SLC26A7: variants seen among roughly 807,000 people sequenced by gnomAD.
The protein encoded by SLC26A7 is anion exchange transporter.
A neutral mutation model predicts 82.5 loss-of-function variants in SLC26A7; 59 were observed. The observed-to-expected ratio is 0.72, with a 90% confidence interval of 0.58 to 0.89. The LOEUF is 0.89. Ranked by LOEUF, SLC26A7 falls within the 40% of genes least tolerant of loss-of-function variation. SLC26A7 has a pLI of 0.00. For synonymous variants in SLC26A7, 271 were observed against 274.3 expected (o/e 0.99, Z 0.12); for missense variants, 820 against 793.0 (o/e 1.03, Z -0.41).
At chr8:91,264,938 T>C (rs192448080) in intron 2 of SLC26A7, among the ~76,000 whole-genome samples, 2 of 152,074 alleles carry the variant, frequency 1.3e-5, no homozygotes, top group Admixed American at 6.6e-5. Flanking sequence ...AAATATACAA[T>C]ATATTTTATT....
Position 91,316,422 on chromosome 8 carries a change from A to G in SLC26A7, c.478-1794A>G, listed in dbSNP as rs112368755. On this transcript the variant is annotated intron_variant, in intron 4 of 18. Transcript: ENST00000276609. ...CTCAGCCTTCTGAGTACCTGGGACT[A>G]CAGGAACTCGCTGCCACACTCAACA... Among the ~76,000 whole-genome samples the G allele has an allele frequency of 1.5e-3, 199 of 136,654 alleles. 2 individuals carry two copies. The highest frequency in any genetic ancestry group is 5.4e-3 in the African/African-American group (196 of 36,132). 89.7% of individuals were successfully genotyped at this position (136,654 alleles called of 152,430 possible).
intron 9 of SLC26A7, among the ~76,000 whole-genome samples, chr8:91,350,914 C>T (rs1264879488): frequency 6.6e-6 from 1 of 152,140 alleles, no homozygotes. Context: ...TGTATTCCCA[C>T]CAGCAATGCC....
In SLC26A7 at chr8:91,340,413, A is replaced by G. The variant is rs769572829; in HGVS notation, c.888A>G (p.Ser296=). The part of the protein sequence containing the change: ...VVGHIPQGIP[S]PRAPPMNILS... ...GTCCTTCTTTCCACAGAATTCCCTC[A>G]CCTAGAGCTCCCCCGATGAACATCC... The change falls in exon 8 of 19, where the codon TCA becomes TCG. Residue 296 remains serine (S), a synonymous_variant. Coordinates refer to ENST00000276609, the MANE Select transcript of SLC26A7 (RefSeq NM_052832.4). The G allele has an allele frequency of 4.3e-6, 7 of 1,613,776 alleles. No individual in the cohort carries two copies. The highest frequency in any genetic ancestry group is 5.9e-6 in the Non-Finnish European group (7 of 1,179,812).
intron 3 of SLC26A7, 64 bp from the exon 4 acceptor site, chr8:91,295,467 C>T: frequency 2.6e-6 from 4 of 1,548,900 alleles, no homozygotes; most frequent in Non-Finnish European, 3.5e-6. Flanking sequence ...CAGAATCCCA[C>T]AATTTTTATT....
intron 9 of SLC26A7, among the ~76,000 whole-genome samples, chr8:91,351,590 G>A (rs1373236058): frequency 6.6e-6 from 1 of 152,098 alleles, no homozygotes; most frequent in African/African-American, 2.4e-5. Context: ...TCTCATCACT[G>A]ACTTAATTTG....
intron 2 of SLC26A7, among the ~76,000 whole-genome samples, chr8:91,273,046 G>A (rs530942426): frequency 1.8e-4 from 28 of 152,300 alleles, no homozygotes; most frequent in Admixed American, 6.5e-4. Flanking sequence ...GTGAAAAAAA[G>A]AGTCTATTTT....
intron 5 of SLC26A7, among the ~76,000 whole-genome samples, chr8:91,332,408 TTCAATATATATTTAA>T (rs1465901233): frequency 1.4e-5 from 2 of 143,596 alleles, no homozygotes; most frequent in South Asian, 2.1e-4. Context: ...TATTTAATTA[TTCAATATATATTTAA>T]TCAATATATA....
At chr8:91,299,149 CAG>C (rs1302683927) in intron 4 of SLC26A7, among the ~76,000 whole-genome samples, 2 of 152,212 alleles carry the variant, frequency 1.3e-5, no homozygotes, top group African/African-American at 2.4e-5. Context: ...ATTTTTCCAT[CAG>C]AGTTTTAGAT....
At chr8:91,312,057 A>G (rs1291822298) in intron 4 of SLC26A7, among the ~76,000 whole-genome samples, 2 of 152,126 alleles carry the variant, frequency 1.3e-5, no homozygotes, top group African/African-American at 4.8e-5. Flanking sequence ...ATATGTCTCC[A>G]TAACTTTTTT....
At position 91,277,819 on chromosome 8, in the gene SLC26A7, T is replaced by TA. The variant is rs1201490531; in HGVS notation, c.194-11311dup. Among the ~76,000 whole-genome samples the TA allele has an allele frequency of 2.0e-5, 3 of 151,426 alleles. No homozygotes were observed. In the South Asian group the frequency reaches 6.3e-4, roughly 32 times the overall value. On this transcript the variant is annotated intron_variant, in intron 2 of 18. Coordinates refer to ENST00000276609, the MANE Select transcript of SLC26A7 (RefSeq NM_052832.4). ...ATAAAATATTTTAATGTATCAATATTAAAAAACAAACTTAAATAAACAATG... is the reference window on the plus strand; with the variant it reads ...ATAAAATATTTTAATGTATCAATATTAAAAAAACAAACTTAAATAAACAATG...
At chr8:91,253,716 C>G (rs1312740608) in intron 2 of SLC26A7, among the ~76,000 whole-genome samples, 1 of 152,062 alleles carries the variant, frequency 6.6e-6, no homozygotes, top group Non-Finnish European at 1.5e-5. Flanking sequence ...CCCTCTTACT[C>G]CCTTTGTACT....
rs142494869 is a variant in SLC26A7, at chr8:91,230,472, A to G, written c.-34+11467A>G. The stretch of plus-strand genomic sequence containing the variant: ...CTATTCCCACCTGGGGACTTTCTCT[A>G]TGCAATTCCCTCTAATCGGAAAACA... On this transcript the variant is annotated intron_variant, in intron 2 of 5. Coordinates refer to the SLC26A7 transcript ENST00000522862. Among the ~76,000 whole-genome samples the G allele has an allele frequency of 2.2e-4, 33 of 152,252 alleles. No homozygotes were observed. In the East Asian group the frequency reaches 5.6e-3, roughly 26 times the overall value.
At chr8:91,369,753 ATT>A in intron 14 of SLC26A7, 30 bp from the exon 15 acceptor site, 1 of 1,492,178 alleles carries the variant, frequency 6.7e-7, no homozygotes, top group Non-Finnish European at 9.1e-7. Context: ...ATTTTATAAC[ATT>A]TTTCTTCTTT....
chr8:91,210,546 G>GACACACACAC (rs1166789108), intron 1 of SLC26A7, among the ~76,000 whole-genome samples: 1 of 112,754 alleles, frequency 8.9e-6, no homozygotes, highest in African/African-American at 3.8e-5. Flanking sequence ...TTTAAACACA[G>GACACACACAC]ACACACACAC....
chr8:91,334,576 A>G (rs1813189126), intron 6 of SLC26A7, 129 bp downstream of exon 6: 3 of 710,180 alleles, frequency 4.2e-6, no homozygotes, highest in Non-Finnish European at 6.4e-6. Context: ...AAGCAGGGCT[A>G]ATTTGCATGG....
At chr8:91,352,286 A>C (rs1813737811) in intron 10 of SLC26A7, among the ~76,000 whole-genome samples, 1 of 152,152 alleles carries the variant, frequency 6.6e-6, no homozygotes, top group Non-Finnish European at 1.5e-5. Flanking sequence ...TCTGTTACAC[A>C]AAGTGATTCA....
intron 8 of SLC26A7, 99 bp downstream of exon 8, chr8:91,340,650 C>G: frequency 6.8e-7 from 1 of 1,470,758 alleles, no homozygotes; most frequent in Non-Finnish European, 9.4e-7. Context: ...TAAAACTTTC[C>G]TAACTGTACA....
chr8:91,300,251 G>A (rs1306028428), intron 4 of SLC26A7, among the ~76,000 whole-genome samples: 4 of 152,102 alleles, frequency 2.6e-5, no homozygotes, highest in Non-Finnish European at 4.4e-5. Flanking sequence ...GCTATTATAA[G>A]TGGAGTTTTC....
At chr8:91,289,292 A>G (rs371352977) in intron 3 of SLC26A7, 46 bp downstream of exon 3, 39 of 1,427,818 alleles carry the variant, frequency 2.7e-5, no homozygotes, top group Non-Finnish European at 3.7e-5. Context: ...CGCAAAAAAG[A>G]CTTAGTGATT....
Sources: allele counts gnomAD v4.1 joint callset (sites outside exome capture counted in the v4.1 genomes callset), GRCh38; gene constraint gnomAD v4.1.1; transcripts MANE v1.5; gene names NCBI Gene and HGNC (gene_info 2026-07-23, HGNC 2026-07-21).